The following STS variants were observed in gnomAD, a reference collection of about 807,000 sequenced individuals.
STS encodes steryl-sulfatase.
STS carries 7 observed loss-of-function variants against 26.8 expected under a neutral mutation model. The ratio of observed to expected loss-of-function variants is 0.26; its 90% CI spans 0.15 to 0.49. The LOEUF (loss-of-function observed/expected upper bound fraction) is 0.49. STS is among the 20% of genes least tolerant of loss of function. The probability of loss-of-function intolerance (pLI) is 0.98; values close to 1 mark genes in which losing one functional copy is unlikely to be tolerated. For synonymous variants in STS, 199 were observed against 189.4 expected, an observed-to-expected ratio of 1.05 and a Z score of -0.42; for missense variants, 434 against 465.6, an observed-to-expected ratio of 0.93 and a Z score of 0.63.
intron 9 of STS, among the ~76,000 whole-genome samples, chrX:7,332,201 T>G (rs1044128317): frequency 2.7e-5 from 3 of 109,613 alleles, no homozygotes; most frequent in African/African-American, 1.0e-4. Context: ...CATGGTGGCA[T>G]GTACCTGTAG....
At chrX:7,340,701 A>G (rs1317401613) in intron 10 of STS, among the ~76,000 whole-genome samples, 1 of 112,204 alleles carries the variant, frequency 8.9e-6, no homozygotes, top group Non-Finnish European at 1.9e-5. Flanking sequence ...AGAGAAGTTT[A>G]TATCTCCATC....
chrX:7,286,630 G>A (rs1003378365), intron 7 of STS, among the ~76,000 whole-genome samples: 7 of 111,465 alleles, frequency 6.3e-5, no homozygotes, highest in Non-Finnish European at 1.3e-4. Flanking sequence ...ACATCTAGGA[G>A]GTGATGACAA....
chrX:7,187,046 A>G (rs1427614619), intron 1 of STS, among the ~76,000 whole-genome samples: 2 of 111,775 alleles, frequency 1.8e-5, no homozygotes, highest in East Asian at 5.7e-4. Flanking sequence ...TGGAAAAGGC[A>G]GTTCTCTTTG....
chrX:7,346,936 G>T (rs1928555206), intron 10 of STS, among the ~76,000 whole-genome samples: 1 of 110,528 alleles, frequency 9.0e-6, no homozygotes, highest in Admixed American at 9.6e-5. Context: ...GGGCCTGGTG[G>T]CATACACCTG....
At chrX:7,304,541 G>C (rs766075244) in intron 7 of STS, among the ~76,000 whole-genome samples, 1 of 110,730 alleles carries the variant, frequency 9.0e-6, no homozygotes, top group Admixed American at 9.7e-5. Flanking sequence ...TTTAGATTTG[G>C]GTATCTACTG....
chrX:7,268,726 A>G (rs886088048), intron 6 of STS, among the ~76,000 whole-genome samples: 1 of 111,785 alleles, frequency 8.9e-6, no homozygotes, highest in Non-Finnish European at 1.9e-5. Flanking sequence ...TTTAAAAATG[A>G]GGGCAACGGG....
At chrX:7,203,176 C>T (rs746556729) in intron 2 of STS, among the ~76,000 whole-genome samples, 6 of 112,094 alleles carry the variant, frequency 5.4e-5, no homozygotes, top group Non-Finnish European at 1.1e-4. Flanking sequence ...CTACCCACGC[C>T]ACAAGTTCTT....
At chrX:7,152,261 A>T (rs1402937560) in intron 1 of STS, among the ~76,000 whole-genome samples, 5 of 112,076 alleles carry the variant, frequency 4.5e-5, no homozygotes, top group Admixed American at 1.9e-4. Context: ...CAGGATTATT[A>T]TTTTAATGTA....
chrX:7,236,267 T>G (rs1252280364), intron 2 of STS, among the ~76,000 whole-genome samples: 1 of 111,873 alleles, frequency 8.9e-6, no homozygotes. Flanking sequence ...TGGGCATAGG[T>G]CAAACTAACT....
intron 2 of STS, among the ~76,000 whole-genome samples, chrX:7,242,444 T>A (rs28458797): frequency 9.4e-6 from 1 of 105,872 alleles, no homozygotes; most frequent in African/African-American, 3.4e-5. Flanking sequence ...AAAAAAAAAA[T>A]TAAAAATTAG....
At chrX:7,246,681 A>G (rs1922899795) in intron 2 of STS, among the ~76,000 whole-genome samples, 1 of 111,589 alleles carries the variant, frequency 9.0e-6, no homozygotes, top group South Asian at 3.7e-4. Flanking sequence ...GTAGCAGGGT[A>G]TTGCATGGGA....
chrX:7,245,346 G>T (rs1339769811), intron 2 of STS, among the ~76,000 whole-genome samples: 1 of 111,879 alleles, frequency 8.9e-6, no homozygotes, highest in Non-Finnish European at 1.9e-5. Flanking sequence ...AATAGTGCAT[G>T]GCCCTGCTTA....
intron 2 of STS, among the ~76,000 whole-genome samples, chrX:7,246,862 TAA>T (rs1409921663): frequency 8.8e-6 from 1 of 113,055 alleles, no homozygotes; most frequent in Non-Finnish European, 1.9e-5. Flanking sequence ...TGGCCTATTT[TAA>T]AAGAGAGAAG....
At chrX:7,240,967 A>C (rs1922590181) in intron 2 of STS, among the ~76,000 whole-genome samples, 3 of 111,225 alleles carry the variant, frequency 2.7e-5, no homozygotes, top group Admixed American at 9.6e-5. Flanking sequence ...GATAAAGATA[A>C]ATGCCCCAAA....
At chrX:7,308,821 G>A (rs1471405983) in intron 8 of STS, among the ~76,000 whole-genome samples, 2 of 111,353 alleles carry the variant, frequency 1.8e-5, no homozygotes, top group Non-Finnish European at 3.8e-5. Context: ...TCTAGTTATG[G>A]GAAGTAGGCT....
intron 2 of STS, among the ~76,000 whole-genome samples, chrX:7,216,715 G>A (rs1329288379): frequency 1.8e-5 from 2 of 111,573 alleles, no homozygotes; most frequent in Non-Finnish European, 3.8e-5. Context: ...TCCAACATTT[G>A]ACTAGGGAGG....
chrX:7,348,976 T>C (rs1337777181), intron 10 of STS, among the ~76,000 whole-genome samples: 2 of 109,992 alleles, frequency 1.8e-5, no homozygotes, highest in Non-Finnish European at 3.8e-5. Flanking sequence ...TGTGGGTTTG[T>C]TTTTTGTTTT....
intron 2 of STS, among the ~76,000 whole-genome samples, chrX:7,224,582 T>G (rs1013548478): frequency 9.0e-6 from 1 of 111,215 alleles, no homozygotes; most frequent in East Asian, 2.8e-4. Flanking sequence ...TATGAGAACA[T>G]GGGGAGAAGG....
intron 7 of STS, among the ~76,000 whole-genome samples, chrX:7,291,161 A>G (rs1476653420): frequency 9.9e-5 from 11 of 111,484 alleles, no homozygotes; most frequent in African/African-American, 3.6e-4. Flanking sequence ...TCTGCCTGCA[A>G]TCTGAAGAGT....
Sources: allele counts gnomAD v4.1 joint callset (sites outside exome capture counted in the v4.1 genomes callset), GRCh38; gene constraint gnomAD v4.1.1; transcripts MANE v1.5; gene names NCBI Gene and HGNC (gene_info 2026-07-23, HGNC 2026-07-21).